ZDHHC14: variants seen among roughly 807,000 people sequenced by gnomAD.
The protein encoded by ZDHHC14 is palmitoyltransferase ZDHHC14.
ZDHHC14 carries 16 observed loss-of-function variants against 47.7 expected under a neutral mutation model. The observed-to-expected ratio is 0.34, with a 90% confidence interval of 0.23 to 0.51. The LOEUF (loss-of-function observed/expected upper bound fraction) is 0.51, where lower values mean the gene tolerates loss of function less well. Ranked by LOEUF, ZDHHC14 falls within the 20% of genes least tolerant of loss-of-function variation. The pLI, the probability that ZDHHC14 is intolerant of heterozygous loss-of-function variation, is 0.97. For missense variants in ZDHHC14, 515 were observed against 662.5 expected (o/e 0.78, Z 2.44); for synonymous variants, 293 against 278.9 (o/e 1.05, Z -0.50).
At chr6:157,590,248 G>A (rs183045686) in intron 2 of ZDHHC14, among the ~76,000 whole-genome samples, 21 of 152,316 alleles carry the variant, frequency 1.4e-4, no homozygotes, top group African/African-American at 4.8e-4. Flanking sequence ...AAGAAACAAG[G>A]AGCTGAATGT....
chr6:157,398,589 G>T (rs1299991420), intron 1 of ZDHHC14, among the ~76,000 whole-genome samples: 1 of 152,088 alleles, frequency 6.6e-6, no homozygotes, highest in East Asian at 1.9e-4. Flanking sequence ...GTGTTCCCCT[G>T]CCCCCACCAA....
At chr6:157,464,893 G>A (rs900211970) in intron 1 of ZDHHC14, among the ~76,000 whole-genome samples, 37 of 152,276 alleles carry the variant, frequency 2.4e-4, no homozygotes, top group African/African-American at 7.9e-4. Context: ...AGCTCAGGGC[G>A]GGCCAGCTGT....
At chr6:157,515,810 C>G (rs762398365) in intron 1 of ZDHHC14, among the ~76,000 whole-genome samples, 5 of 152,116 alleles carry the variant, frequency 3.3e-5, no homozygotes, top group Non-Finnish European at 7.3e-5. Context: ...ATCTCTTGCA[C>G]TCACCCCCAC....
At chr6:157,603,281 T>C (rs9456535) in intron 3 of ZDHHC14, among the ~76,000 whole-genome samples, 44,831 of 152,166 alleles carry the variant, frequency 0.29, 7,137 homozygotes, top group East Asian at 0.56. Context: ...TCCCTGCCCT[T>C]AACGAGTTTT....
intron 1 of ZDHHC14, among the ~76,000 whole-genome samples, chr6:157,532,460 C>T (rs570356551): frequency 2.6e-4 from 39 of 152,248 alleles, no homozygotes; most frequent in African/African-American, 9.4e-4. Context: ...TCTTGCCATC[C>T]CTAGACCACC....
At chr6:157,541,612 C>A (rs914234802) in intron 1 of ZDHHC14, among the ~76,000 whole-genome samples, 1 of 152,186 alleles carries the variant, frequency 6.6e-6, no homozygotes, top group African/African-American at 2.4e-5. Flanking sequence ...GCGTCATGTT[C>A]CCCAATGCCC....
At chr6:157,590,581 G>C (rs1783870826) in intron 2 of ZDHHC14, among the ~76,000 whole-genome samples, 1 of 152,250 alleles carries the variant, frequency 6.6e-6, no homozygotes, top group African/African-American at 2.4e-5. Flanking sequence ...AGGATGTATG[G>C]AAATGCCTGG....
chr6:157,389,299 C>T (rs1452808553), intron 1 of ZDHHC14, among the ~76,000 whole-genome samples: 2 of 152,170 alleles, frequency 1.3e-5, no homozygotes, highest in East Asian at 3.8e-4. Flanking sequence ...CTTCCTCAAT[C>T]TTGCGATTAA....
chr6:157,474,045 A>G (rs113198371), intron 1 of ZDHHC14, among the ~76,000 whole-genome samples: 5 of 148,826 alleles, frequency 3.4e-5, no homozygotes, highest in Admixed American at 1.4e-4. Flanking sequence ...CTGGAGTGCA[A>G]TGGTGCCATC....
chr6:157,533,893 A>G (rs112160215), intron 1 of ZDHHC14, among the ~76,000 whole-genome samples: 2,801 of 152,330 alleles, frequency 0.018, 95 homozygotes, highest in African/African-American at 0.064. Flanking sequence ...ATAATGATAT[A>G]TGATTTTTAA....
chr6:157,503,493 G>A (rs971346652), intron 1 of ZDHHC14, among the ~76,000 whole-genome samples: 4 of 152,162 alleles, frequency 2.6e-5, no homozygotes, highest in African/African-American at 9.7e-5. Context: ...CAAGCCACAG[G>A]CTGCTGTTTA....
At chr6:157,468,060 CA>C (rs1457916446) in intron 1 of ZDHHC14, among the ~76,000 whole-genome samples, 1 of 151,972 alleles carries the variant, frequency 6.6e-6, no homozygotes, top group African/African-American at 2.4e-5. Context: ...GTCAACATTC[CA>C]AAAAGTTTGG....
chr6:157,647,467 C>T (rs1318352740), intron 7 of ZDHHC14, 99 bp downstream of exon 7: 11 of 814,868 alleles, frequency 1.3e-5, no homozygotes, highest in Non-Finnish European at 2.2e-5. Context: ...TGGGTCGCCG[C>T]CACCACGTGA....
chr6:157,420,685 A>G (rs1778082516), intron 1 of ZDHHC14, among the ~76,000 whole-genome samples: 1 of 152,216 alleles, frequency 6.6e-6, no homozygotes, highest in African/African-American at 2.4e-5. Context: ...CTATAGAAGT[A>G]GGTTGCTCTC....
chr6:157,659,300 A>G (rs1191812255), intron 8 of ZDHHC14, among the ~76,000 whole-genome samples: 1 of 152,234 alleles, frequency 6.6e-6, no homozygotes, highest in African/African-American at 2.4e-5. Context: ...ATTCTGTGAA[A>G]TGCACATGCC....
intron 1 of ZDHHC14, among the ~76,000 whole-genome samples, chr6:157,542,149 AAGGC>A (rs1781788663): frequency 6.6e-6 from 1 of 152,162 alleles, no homozygotes; most frequent in Admixed American, 6.5e-5. Flanking sequence ...CCAAGTGGGA[AAGGC>A]TGGCTCTCAT....
chr6:157,664,551 G>T (rs1372073006), intron 8 of ZDHHC14, among the ~76,000 whole-genome samples: 1 of 152,102 alleles, frequency 6.6e-6, no homozygotes, highest in African/African-American at 2.4e-5. Flanking sequence ...TTTTTAATTT[G>T]TTGGAACTCA....
rs538363062 is a variant in ZDHHC14 at position 157,632,979 on chromosome 6, G to A, written c.752+97G>A. On this transcript the variant is annotated intron_variant, in intron 5 of 8. Transcript: ENST00000359775. Reference sequence around the variant, plus strand: ...CCTCCTCATCTTCTGCCCCGGCCTTGCTTCTCATGTATCTTATTCCAAAGA... The same window carrying A: ...CCTCCTCATCTTCTGCCCCGGCCTTACTTCTCATGTATCTTATTCCAAAGA... The A allele has an allele frequency of 2.3e-6, 3 of 1,297,132 alleles. No individual in the cohort carries two copies. The South Asian group carries it at 3.6e-5, about 16-fold the overall frequency. The allele number at this position is 1,297,132 out of a possible 1,614,324, so 80.4% of individuals were successfully genotyped here. A position where few individuals can be genotyped will look rare whatever the true frequency, so the allele number is the denominator to read the frequency against.
intron 1 of ZDHHC14, among the ~76,000 whole-genome samples, chr6:157,418,998 G>A (rs1417875537): frequency 6.6e-6 from 1 of 152,240 alleles, no homozygotes; most frequent in Non-Finnish European, 1.5e-5. Context: ...CATATATAGT[G>A]TAGTCCTTGT....
Sources: allele counts gnomAD v4.1 joint callset (sites outside exome capture counted in the v4.1 genomes callset), GRCh38; gene constraint gnomAD v4.1.1; transcripts MANE v1.5; gene names NCBI Gene and HGNC (gene_info 2026-07-23, HGNC 2026-07-21).